Variants in CRYBB2 observed in about 807,000 individuals in gnomAD.
CRYBB2 encodes beta-crystallin B2.
Under a neutral mutation model 24.3 loss-of-function variants are expected in CRYBB2, and 12 were observed. That is an observed-to-expected ratio of 0.49 (90% CI 0.32 to 0.80). The LOEUF (loss-of-function observed/expected upper bound fraction) is 0.80. CRYBB2 is among the 30% of genes least tolerant of loss of function. The probability of loss-of-function intolerance (pLI) is 0.04; values close to 1 mark genes in which losing one functional copy is unlikely to be tolerated. For synonymous variants in CRYBB2, 98 were observed against 101.6 expected, an observed-to-expected ratio of 0.96 and a Z score of 0.21; for missense variants, 198 against 268.5, an observed-to-expected ratio of 0.74 and a Z score of 1.83.
chr22:25,216,092 C>T (rs1353648197), upstream of CRYBB2, among the ~76,000 whole-genome samples: 12 of 152,160 alleles, frequency 7.9e-5, no homozygotes, highest in Admixed American at 7.9e-4. Context: ...CTGATACAAT[C>T]GAAATGTTAG....
At chr22:25,228,122 G>C (rs1330973820) in intron 4 of CRYBB2, 137 bp downstream of exon 4, 10 of 1,349,444 alleles carry the variant, frequency 7.4e-6, no homozygotes, top group Non-Finnish European at 1.0e-5. Context: ...GATTGGTGAG[G>C]AACCTCCTCA....
upstream of CRYBB2, among the ~76,000 whole-genome samples, chr22:25,218,184 G>A (rs149839496): frequency 0.029 from 4,386 of 152,068 alleles, 90 homozygotes; most frequent in Middle Eastern, 0.068. Flanking sequence ...GTGTGAACAC[G>A]GGAGGCAGAG....
rs780494867 is a variant in CRYBB2, at chr22:25,225,083, G to C, written c.173+47G>C. On this transcript the variant is annotated intron_variant, in intron 3 of 5. Transcript: ENST00000398215. The stretch of plus-strand genomic sequence containing the variant: ...CCTGGTCAGGGACTTTGGGTGAGGT[G>C]ATCAAGTTGTGGAGTGGGGGAATCT... 2.9e-6 allele frequency: 3 copies of C among 1,052,162 alleles called. No individual in the cohort carries two copies. In the African/African-American group the frequency reaches 4.7e-5, roughly 16 times the overall value. The allele number at this position is 1,052,162 out of a possible 1,614,324, so 65.2% of individuals were successfully genotyped here.
In CRYBB2 at chr22:25,231,679, C is replaced by T. The variant is rs772888950; in HGVS notation, c.525C>T (p.Ser175=). Residue 175 remains serine, a synonymous_variant, in exon 6 of 6, where the codon AGC becomes AGT. Coordinates refer to ENST00000398215, the MANE Select transcript of CRYBB2 (RefSeq NM_000496.3). ...LLEKGDYKDS[S]DFGAPHPQVQ... ...AGAAGGGAGACTACAAGGACAGCAGCGACTTTGGGGCCCCTCACCCCCAGG... is the reference window on the plus strand; with the variant it reads ...AGAAGGGAGACTACAAGGACAGCAGTGACTTTGGGGCCCCTCACCCCCAGG... 7 of 1,614,138 alleles carry T rather than the reference C, an allele frequency of 4.3e-6. No homozygotes were observed. The highest frequency in any genetic ancestry group is 2.2e-5 in the South Asian group (2 of 91,084).
At chr22:25,226,925 C>T (rs1312156326) in intron 3 of CRYBB2, among the ~76,000 whole-genome samples, 1 of 152,138 alleles carries the variant, frequency 6.6e-6, no homozygotes, top group Non-Finnish European at 1.5e-5. Flanking sequence ...CCGCTCACCT[C>T]GGCCTCCCAA....
chr22:25,225,159 C>T, intron 3 of CRYBB2, 123 bp downstream of exon 3: 1 of 749,678 alleles, frequency 1.3e-6, no homozygotes, highest in South Asian at 1.4e-5. Context: ...GGTCTGGCAG[C>T]CTATGGAGAT....
chr22:25,213,963 C>T (rs554320211), intron 1 of CRYBB2, among the ~76,000 whole-genome samples: 6 of 152,220 alleles, frequency 3.9e-5, no homozygotes, highest in Non-Finnish European at 7.4e-5. Context: ...ACTGGGGGCA[C>T]GAAGATGACT....
At chr22:25,218,014 C>G (rs185089820), upstream of CRYBB2, among the ~76,000 whole-genome samples, 91 of 152,078 alleles carry the variant, frequency 6.0e-4, no homozygotes, top group African/African-American at 2.2e-3. Flanking sequence ...AATCCCAGCA[C>G]TTTGGGAGGC....
At chr22:25,223,240 T>A (rs958988799) in intron 2 of CRYBB2, among the ~76,000 whole-genome samples, 1 of 152,214 alleles carries the variant, frequency 6.6e-6, no homozygotes, top group Non-Finnish European at 1.5e-5. Flanking sequence ...GTCTGCAAAG[T>A]GCTGCTTCAA....
chr22:25,228,557 C>A (rs1935463732), intron 4 of CRYBB2, among the ~76,000 whole-genome samples: 1 of 152,084 alleles, frequency 6.6e-6, no homozygotes, highest in South Asian at 2.1e-4. Context: ...GGGCCCATCA[C>A]TGCTCAGTTA....
chr22:25,227,985 G>C lies in CRYBB2; in HGVS notation c.306G>C (p.Val102=), dbSNP rs774538881. 1 of 1,614,092 alleles carries C rather than the reference G, an allele frequency of 6.2e-7. No individual in the cohort carries two copies. The highest frequency in any genetic ancestry group is 8.5e-7 in the Non-Finnish European group (1 of 1,180,004). Residue 102 remains valine (V), a splice_region_variant and synonymous_variant, in exon 4 of 6, where the codon GTG becomes GTC. Coordinates refer to ENST00000398215, the MANE Select transcript of CRYBB2 (RefSeq NM_000496.3). ...DSLSSLRPIK[V]DSQEHKIILY... The stretch of plus-strand genomic sequence containing the variant: ...TCAGCTCCCTGAGGCCCATCAAAGT[G>C]GTGAGCCCCCTGCCATCACCCTACT...
upstream of CRYBB2, among the ~76,000 whole-genome samples, chr22:25,218,819 AAAGAAAG>A (rs1935265554): frequency 1.5e-5 from 1 of 65,892 alleles, no homozygotes; most frequent in Non-Finnish European, 2.9e-5. Context: ...AGAAAGAAAG[AAAGAAAG>A]AAAGAAAGAA....
intron 1 of CRYBB2, among the ~76,000 whole-genome samples, chr22:25,214,030 A>T (rs1282951769): frequency 6.6e-6 from 1 of 152,176 alleles, no homozygotes; most frequent in African/African-American, 2.4e-5. Context: ...CAAACTACCC[A>T]GGTCACATCA....
chr22:25,229,000 G>A (rs983730573), intron 4 of CRYBB2, among the ~76,000 whole-genome samples: 2 of 150,706 alleles, frequency 1.3e-5, no homozygotes, highest in Non-Finnish European at 3.0e-5. Context: ...GGGTGTGCGT[G>A]TGTGTGCAAG....
At chr22:25,215,504 C>T (rs1395076096), upstream of CRYBB2, among the ~76,000 whole-genome samples, 1 of 152,146 alleles carries the variant, frequency 6.6e-6, no homozygotes, top group East Asian at 1.9e-4. Context: ...GGCTATGAGA[C>T]CCCTGATTTC....
Position 25,225,103 on chromosome 22 carries a change from GA to G in CRYBB2, c.173+69del, listed in dbSNP as rs2146090125. 9.0e-6 allele frequency: 8 copies of G among 885,358 alleles called. No individual in the cohort carries two copies. The South Asian group carries it at 1.0e-4, about 12-fold the overall frequency. 54.8% of individuals were successfully genotyped at this position (885,358 alleles called of 1,614,324 possible). On this transcript the variant is annotated intron_variant, in intron 3 of 5. Transcript: ENST00000398215. ...GAGGTGATCAAGTTGTGGAGTGGGG[GA>G]ATCTACCCTTGCTCCTGTCTGCAAA...
At chr22:25,220,513 C>G (rs949134904) in intron 1 of CRYBB2, among the ~76,000 whole-genome samples, 1 of 152,206 alleles carries the variant, frequency 6.6e-6, no homozygotes, top group Non-Finnish European at 1.5e-5. Flanking sequence ...TGGTTTCTTG[C>G]GGGAGAGCAG....
chr22:25,220,027 G>A (rs1485967472), intron 1 of CRYBB2, among the ~76,000 whole-genome samples: 1 of 152,130 alleles, frequency 6.6e-6, no homozygotes, highest in Non-Finnish European at 1.5e-5. Flanking sequence ...ATTGTTTCTA[G>A]GTGGGTGAGT....
At chr22:25,221,608 C>G (rs972035647) in intron 2 of CRYBB2, 125 bp downstream of exon 2, 4 of 700,084 alleles carry the variant, frequency 5.7e-6, no homozygotes, top group Admixed American at 4.1e-5. Context: ...CTCTCTGGGA[C>G]TCAGTCTCCT....
Sources: allele counts gnomAD v4.1 joint callset (sites outside exome capture counted in the v4.1 genomes callset), GRCh38; gene constraint gnomAD v4.1.1; transcripts MANE v1.5; gene names NCBI Gene and HGNC (gene_info 2026-07-23, HGNC 2026-07-21).